DHDDS: variants seen among roughly 807,000 people sequenced by gnomAD.
DHDDS encodes dehydrodolichyl diphosphate synthase complex subunit DHDDS.
A neutral mutation model predicts 46.2 loss-of-function variants in DHDDS; 16 were observed. The ratio of observed to expected loss-of-function variants is 0.35; its 90% CI spans 0.23 to 0.53. The LOEUF is 0.53. DHDDS is among the 20% of genes least tolerant of loss of function. The probability of loss-of-function intolerance (pLI) is 0.94; values close to 1 mark genes in which losing one functional copy is unlikely to be tolerated. For missense variants in DHDDS, 340 were observed against 423.7 expected, an observed-to-expected ratio of 0.80 and a Z score of 1.73; for synonymous variants, 151 against 163.1, an observed-to-expected ratio of 0.93 and a Z score of 0.56.
chr1:26,461,510 C>T (rs1028261068), intron 8 of DHDDS, among the ~76,000 whole-genome samples: 4 of 152,068 alleles, frequency 2.6e-5, no homozygotes, highest in African/African-American at 9.6e-5. Context: ...CTCACCCTCC[C>T]GAGTAGCTGG....
At chr1:26,468,544 G>A (rs749774896) in intron 8 of DHDDS, among the ~76,000 whole-genome samples, 5 of 152,154 alleles carry the variant, frequency 3.3e-5, no homozygotes, top group Non-Finnish European at 7.3e-5. Flanking sequence ...TACAGATGAA[G>A]AAATGAGGTT....
intron 5 of DHDDS, among the ~76,000 whole-genome samples, chr1:26,446,792 C>A (rs998667241): frequency 3.3e-5 from 5 of 152,064 alleles, no homozygotes; most frequent in African/African-American, 1.2e-4. Context: ...TCAAGAAATT[C>A]TTGTTCTGTT....
chr1:26,435,691 T>G (rs1347311641), intron 2 of DHDDS, among the ~76,000 whole-genome samples: 1 of 151,990 alleles, frequency 6.6e-6, no homozygotes, highest in African/African-American at 2.4e-5. Context: ...CTTGGCTCAC[T>G]GCAACCTCTG....
intron 3 of DHDDS, among the ~76,000 whole-genome samples, chr1:26,439,814 G>T (rs1319832912): frequency 1.3e-5 from 2 of 152,200 alleles, no homozygotes; most frequent in Non-Finnish European, 2.9e-5. Context: ...TTTAACAAAA[G>T]AATGGAATAT....
At position 26,442,402 on chromosome 1, in the gene DHDDS, A is replaced by G. The variant is rs191617221; in HGVS notation, c.181-329A>G. 2.6e-5 allele frequency among the ~76,000 whole-genome samples: 4 copies of G among 152,334 alleles called. No individual in the cohort carries two copies. The East Asian group carries it at 7.7e-4, about 29-fold the overall frequency. ...GGAGACTTCAACCTAGAGAAATTAA[A>G]TGATTTGATTCCAGTCACATAAGTG... On this transcript the variant is annotated intron_variant, in intron 3 of 8. Transcript: ENST00000236342.
At chr1:26,452,080 C>T (rs1050330675) in intron 6 of DHDDS, among the ~76,000 whole-genome samples, 2 of 152,002 alleles carry the variant, frequency 1.3e-5, no homozygotes, top group Non-Finnish European at 2.9e-5. Context: ...GGGTTTCACT[C>T]TGTTGCTGAG....
intron 2 of DHDDS, 163 bp downstream of exon 2, chr1:26,433,171 T>A (rs2075120492): frequency 1.3e-6 from 1 of 760,892 alleles, no homozygotes; most frequent in Non-Finnish European, 2.2e-6. Context: ...AGGTCTACAT[T>A]TCTGGTAGAC....
rs369849440 is a variant in DHDDS at position 26,445,129 on chromosome 1, T to G, written c.324-1187T>G. Among the ~76,000 whole-genome samples, 24 of 152,198 alleles carry G rather than the reference T, an allele frequency of 1.6e-4. 1 individual carries two copies. The highest frequency in any genetic ancestry group is 9.6e-4 in the East Asian group (5 of 5,204). On this transcript the variant is annotated intron_variant, in intron 4 of 8. Coordinates refer to ENST00000236342, the MANE Select transcript of DHDDS (RefSeq NM_205861.3). ...TACCTAACGTCCCTGTGCCTCAGTTTCCTCATCTGTAAAAGGGGAATAATA... is the reference window on the plus strand; with the variant it reads ...TACCTAACGTCCCTGTGCCTCAGTTGCCTCATCTGTAAAAGGGGAATAATA...
In DHDDS at chr1:26,446,575, C is replaced by T. The variant is rs537238743; in HGVS notation, c.440+143C>T. ...GGTTGAGCAGCTTAGAGACTTTCTC[C>T]GTCTGCAGGGCACACCAGACATGAT... On this transcript the variant is annotated intron_variant, in intron 5 of 8. Transcript: ENST00000236342. 4.2e-5 allele frequency: 31 copies of T among 733,466 alleles called. No individual in the cohort carries two copies. In the African/African-American group the frequency reaches 4.3e-4, roughly 10 times the overall value. The allele number at this position is 733,466 out of a possible 1,614,324, so 45.4% of individuals were successfully genotyped here. A position where few individuals can be genotyped will look rare whatever the true frequency, so the allele number is the denominator to read the frequency against.
At chr1:26,464,956 T>C (rs1217449920) in intron 8 of DHDDS, among the ~76,000 whole-genome samples, 1 of 152,184 alleles carries the variant, frequency 6.6e-6, no homozygotes, top group African/African-American at 2.4e-5. Context: ...GACCTTGGTA[T>C]CTGAATGGAC....
chr1:26,464,543 G>T (rs570756935), intron 8 of DHDDS, among the ~76,000 whole-genome samples: 1 of 152,170 alleles, frequency 6.6e-6, no homozygotes, highest in South Asian at 2.1e-4. Flanking sequence ...AAGCTTCAAA[G>T]CTCTGTTTCT....
At chr1:26,462,265 C>T (rs1176523447) in intron 8 of DHDDS, among the ~76,000 whole-genome samples, 2 of 152,102 alleles carry the variant, frequency 1.3e-5, no homozygotes, top group Non-Finnish European at 2.9e-5. Flanking sequence ...AAGTGATCCT[C>T]CTGCTTCGGC....
In DHDDS at chr1:26,438,248, G is replaced by C. The variant is rs1057088171; in HGVS notation, c.144G>C (p.Gln48His). The change falls in exon 3 of 9, where the codon CAG becomes CAC. Residue 48 changes from glutamine to histidine, a missense_variant. By Grantham distance (24) the Gln-to-His change is conservative (BLOSUM62 0). Around this residue, in one of 2 missense-constraint regions of DHDDS, gnomAD observed 72 missense variants for 123.5 expected, o/e 0.58. Coordinates refer to ENST00000236342, the MANE Select transcript of DHDDS (RefSeq NM_205861.3). ...RYAKKCQVER[Q>H]EGHSQGFNKL... ...CCAAGAAGTGCCAGGTGGAGCGGCA[G>C]GAAGGCCACTCACAGGGCTTCAACA... 1.9e-6 allele frequency: 3 copies of C among 1,614,128 alleles called. No individual in the cohort carries two copies. Among genetic ancestry groups the C allele is most frequent in the East Asian group, 2.2e-5 (1 of 44,880 alleles).
intron 8 of DHDDS, among the ~76,000 whole-genome samples, chr1:26,464,935 G>T (rs929167838): frequency 1.3e-5 from 2 of 152,224 alleles, no homozygotes; most frequent in South Asian, 2.1e-4. Flanking sequence ...GCTACAAGTT[G>T]TGGGGAGCCA....
At chr1:26,452,466 C>T (rs577443383) in intron 6 of DHDDS, among the ~76,000 whole-genome samples, 1 of 152,298 alleles carries the variant, frequency 6.6e-6, no homozygotes, top group Admixed American at 6.5e-5. Flanking sequence ...ACCGTGTTAC[C>T]TTGAACGGGC....
intron 7 of DHDDS, among the ~76,000 whole-genome samples, chr1:26,458,753 A>AG (rs1182633326): frequency 6.6e-6 from 1 of 151,724 alleles, no homozygotes; most frequent in African/African-American, 2.4e-5. Context: ...AAAAAAAAAA[A>AG]AAAGAAAAGA....
intron 3 of DHDDS, 163 bp downstream of exon 3, chr1:26,438,447 A>C: frequency 1.4e-6 from 1 of 699,698 alleles, no homozygotes; most frequent in South Asian, 1.6e-5. Context: ...GACATTGGCC[A>C]GACGTGGTTG....
At chr1:26,457,768 T>G (rs570459750) in intron 6 of DHDDS, 23 bp from the exon 7 acceptor site, 4 of 1,550,626 alleles carry the variant, frequency 2.6e-6, no homozygotes, top group Non-Finnish European at 3.6e-6. Context: ...GTGCCTCTCT[T>G]TGTCTCTTCT....
chr1:26,446,468 A>G (rs148393390), intron 5 of DHDDS, 36 bp downstream of exon 5: 159 of 1,594,422 alleles, frequency 1.0e-4, no homozygotes, highest in Non-Finnish European at 1.2e-4. Flanking sequence ...GAGCTGTTTC[A>G]ATCTTTGATT....
Sources: allele counts gnomAD v4.1 joint callset (sites outside exome capture counted in the v4.1 genomes callset), GRCh38; gene constraint gnomAD v4.1.1; regional missense constraint gnomAD v4.1.1; transcripts MANE v1.5; gene names NCBI Gene and HGNC (gene_info 2026-07-23, HGNC 2026-07-21).